WNK2: variants seen among roughly 807,000 people sequenced by gnomAD.
WNK2 encodes WNK lysine deficient protein kinase 2.
Under a neutral mutation model 192.1 loss-of-function variants are expected in WNK2, and 67 were observed. The observed-to-expected ratio is 0.35, with a 90% confidence interval of 0.29 to 0.43. WNK2 has a LOEUF of 0.43. WNK2 is among the 20% of genes least tolerant of loss of function. The probability of loss-of-function intolerance (pLI) is 1.00; values close to 1 mark genes in which losing one functional copy is unlikely to be tolerated. For synonymous variants in WNK2, 1,439 were observed against 1,393.9 expected (o/e 1.03, Z -0.72); for missense variants, 2,698 against 3,089.7 (o/e 0.87, Z 3.01).
chr9:93,277,550 C>A (rs565840949), intron 19 of WNK2, among the ~76,000 whole-genome samples: 102 of 152,212 alleles, frequency 6.7e-4, no homozygotes, highest in African/African-American at 2.2e-3. Context: ...ATGGGTGAAC[C>A]TCAAAGGCAT....
chr9:93,293,173 A>C lies in WNK2; in HGVS notation c.5708A>C (p.Lys1903Thr). 6.7e-7 allele frequency: 1 copy of C among 1,493,772 alleles called. No individual in the cohort carries two copies. Among genetic ancestry groups the C allele is most frequent in the East Asian group, 2.4e-5 (1 of 41,598 alleles). The allele number at this position is 1,493,772 out of a possible 1,614,324, so 92.5% of individuals were successfully genotyped here. ...IKKELQSLRE[K>T]HLKEISELQS... ...AAGGAGCTGCAGAGTCTGCGGGAGA[A>C]GTAGGTCCTGCGGGCAGGAAGTGTT... The change falls in exon 23 of 30, where the codon AAG becomes ACG. Residue 1903 changes from lysine (K) to threonine (T), a missense_variant and splice_region_variant. Transcript: ENST00000427277.
intron 28 of WNK2, among the ~76,000 whole-genome samples, chr9:93,311,289 T>TAC (rs1392226553): frequency 6.6e-6 from 1 of 152,236 alleles, no homozygotes; most frequent in African/African-American, 2.4e-5. Context: ...TTTTATCTGG[T>TAC]ACCACATCCA....
At chr9:93,190,058 A>G (rs983505864) in intron 2 of WNK2, among the ~76,000 whole-genome samples, 9 of 152,280 alleles carry the variant, frequency 5.9e-5, no homozygotes, top group Non-Finnish European at 1.2e-4. Context: ...GGAGAGTTGT[A>G]ATTTGAAATC....
chr9:93,215,520 C>A (rs1835593357), intron 2 of WNK2, among the ~76,000 whole-genome samples: 1 of 152,166 alleles, frequency 6.6e-6, no homozygotes, highest in South Asian at 2.1e-4. Context: ...TTTAAATTTT[C>A]TTTTTCATAT....
intron 2 of WNK2, among the ~76,000 whole-genome samples, chr9:93,190,589 C>G (rs1830169245): frequency 6.6e-6 from 1 of 152,250 alleles, no homozygotes; most frequent in South Asian, 2.1e-4. Context: ...TTTCTCATTC[C>G]TCGTCAGCAT....
intron 9 of WNK2, among the ~76,000 whole-genome samples, chr9:93,256,052 GT>G (rs1223412433): frequency 6.6e-6 from 1 of 152,116 alleles, no homozygotes; most frequent in African/African-American, 2.4e-5. Context: ...CTTTTTTGTG[GT>G]TGTGTAATGT....
At chr9:93,256,739 T>A in intron 10 of WNK2, 1 of 677,028 alleles carries the variant, frequency 1.5e-6, no homozygotes, top group Non-Finnish European at 2.4e-6. Context: ...TGCTGTGCCC[T>A]GGCTCCAGGC....
chr9:93,292,187 T>C, intron 21 of WNK2, 121 bp from the exon 22 acceptor site: 1 of 983,904 alleles, frequency 1.0e-6, no homozygotes, highest in Non-Finnish European at 1.6e-6. Flanking sequence ...CCCACTTCCA[T>C]TGTCCTGCCT....
intron 2 of WNK2, among the ~76,000 whole-genome samples, chr9:93,209,406 C>G (rs552137880): frequency 2.0e-5 from 3 of 152,180 alleles, no homozygotes; most frequent in African/African-American, 7.2e-5. Flanking sequence ...ACACATGGAA[C>G]ACCTCAGCCC....
chr9:93,297,738 C>A, intron 23 of WNK2, 115 bp from the exon 24 acceptor site: 1 of 1,064,746 alleles, frequency 9.4e-7, no homozygotes, highest in Non-Finnish European at 1.3e-6. Context: ...AAGGCACAGG[C>A]AGGGTGCCCA....
intron 19 of WNK2, 90 bp from the exon 20 acceptor site, chr9:93,288,698 G>T (rs1372804825): frequency 3.1e-6 from 4 of 1,308,444 alleles, no homozygotes; most frequent in Non-Finnish European, 4.1e-6. Context: ...GCCATGGCCA[G>T]CTGTGTAAGG....
intron 19 of WNK2, among the ~76,000 whole-genome samples, chr9:93,269,135 G>A (rs1845666951): frequency 6.6e-6 from 1 of 151,990 alleles, no homozygotes; most frequent in South Asian, 2.1e-4. Flanking sequence ...TTTGGGGGGT[G>A]GGGTGGGAAA....
At chr9:93,282,774 G>A (rs1847924895) in intron 19 of WNK2, among the ~76,000 whole-genome samples, 1 of 152,158 alleles carries the variant, frequency 6.6e-6, no homozygotes, top group Admixed American at 6.5e-5. Context: ...ACACTCAGTA[G>A]GGATAGAGAA....
chr9:93,302,925 C>CT (rs34834891), intron 26 of WNK2, among the ~76,000 whole-genome samples: 103,703 of 148,066 alleles, frequency 0.7, 37,508 homozygotes, highest in East Asian at 0.85. Context: ...AGCAGTCTCC[C>CT]TTTTTTTTTT....
chr9:93,185,735 C>A, intron 2 of WNK2, 125 bp downstream of exon 2: 1 of 1,147,964 alleles, frequency 8.7e-7, no homozygotes, highest in Non-Finnish European at 1.2e-6. Flanking sequence ...CCATGTGTGT[C>A]ACCCTCTGTG....
chr9:93,246,868 A>G (rs1432005192), intron 7 of WNK2, among the ~76,000 whole-genome samples: 2 of 152,222 alleles, frequency 1.3e-5, no homozygotes, highest in African/African-American at 4.8e-5. Context: ...GGTCACTACA[A>G]CTGCAGCCTA....
At chr9:93,292,209 C>T (rs1403695202) in intron 21 of WNK2, 99 bp from the exon 22 acceptor site, 5 of 1,260,892 alleles carry the variant, frequency 4.0e-6, no homozygotes, top group Non-Finnish European at 4.6e-6. Flanking sequence ...TCTGGAGGCA[C>T]TCCCATGGGA....
rs1053762398 is a variant in WNK2 at position 93,236,858 on chromosome 9, C to T, written c.1234-1375C>T. Among the ~76,000 whole-genome samples the T allele has an allele frequency of 1.4e-4, 21 of 152,382 alleles. No homozygotes were observed. In the East Asian group the frequency reaches 2.7e-3, roughly 20 times the overall value. Reference sequence around the variant, plus strand: ...GCTCTGTAGGAGGCATCCCATCCACCGCATCATGGCGCTGCCTCTACTAGC... The same window carrying T: ...GCTCTGTAGGAGGCATCCCATCCACTGCATCATGGCGCTGCCTCTACTAGC... On this transcript the variant is annotated intron_variant, in intron 5 of 29. Coordinates refer to ENST00000427277, the MANE Select transcript of WNK2 (RefSeq NM_006648.4).
In WNK2 at chr9:93,318,502, G is replaced by T. The variant is rs369434914; in HGVS notation, c.6628+871G>T. On this transcript the variant is annotated intron_variant, in intron 29 of 29. Transcript: ENST00000427277. ...TGTTGCGCTGGGCCATGAGAAATCC[G>T]CCAGAAAACGTTAGGTGAGCAGACA... The T allele has an allele frequency of 1.7e-5, 28 of 1,613,940 alleles. No homozygotes were observed. In the Admixed American group the frequency reaches 1.8e-4, roughly 11 times the overall value.
Sources: allele counts gnomAD v4.1 joint callset (sites outside exome capture counted in the v4.1 genomes callset), GRCh38; gene constraint gnomAD v4.1.1; transcripts MANE v1.5; gene names NCBI Gene and HGNC (gene_info 2026-07-23, HGNC 2026-07-21).